Variants in VWA8 observed in about 807,000 individuals in gnomAD.
VWA8 encodes von Willebrand factor A domain containing 8, also known as von Willebrand factor A domain-containing protein 8.
Under a neutral mutation model 241.5 loss-of-function variants are expected in VWA8, and 221 were observed. The observed-to-expected ratio is 0.91, with a 90% CI of 0.82 to 1.02. VWA8 has a LOEUF of 1.02. Among genes scored for constraint, VWA8 ranks in the 50% least tolerant of loss-of-function variants. The pLI is 0.00. For synonymous variants in VWA8, 852 were observed against 827.1 expected (o/e 1.03, Z -0.52); for missense variants, 2,322 against 2,328.7 (o/e 1.00, Z 0.06).
chr13:41,826,480 G>T (rs1284730747), intron 14 of VWA8, among the ~76,000 whole-genome samples: 1 of 152,126 alleles, frequency 6.6e-6, no homozygotes, highest in Non-Finnish European at 1.5e-5. Context: ...TGAGTAAGTG[G>T]GAGTGGAGAG....
intron 8 of VWA8, among the ~76,000 whole-genome samples, chr13:41,884,295 T>G (rs1874405339): frequency 6.6e-6 from 1 of 152,262 alleles, no homozygotes; most frequent in East Asian, 1.9e-4. Context: ...CTCATGATAG[T>G]GAGTTCTCAT....
At chr13:41,660,713 TC>T (rs1949387854) in intron 37 of VWA8, among the ~76,000 whole-genome samples, 1 of 152,154 alleles carries the variant, frequency 6.6e-6, no homozygotes, top group South Asian at 2.1e-4. Context: ...TTTACCCCTT[TC>T]CTGACAGCAG....
chr13:41,628,404 A>G (rs781089216), intron 37 of VWA8, among the ~76,000 whole-genome samples: 1 of 152,180 alleles, frequency 6.6e-6, no homozygotes, highest in African/African-American at 2.4e-5. Context: ...ATTTATGTGA[A>G]CAATGTATAT....
intron 37 of VWA8, among the ~76,000 whole-genome samples, chr13:41,639,159 C>CT (rs58695029): frequency 0.22 from 32,834 of 146,322 alleles, 4,004 homozygotes; most frequent in South Asian, 0.38. Context: ...GCTTAAAAGA[C>CT]TTTTTTTTTT....
intron 20 of VWA8, among the ~76,000 whole-genome samples, chr13:41,775,742 C>G (rs1248383823): frequency 6.6e-6 from 1 of 152,158 alleles, no homozygotes; most frequent in Admixed American, 6.5e-5. Context: ...AGATTTTATG[C>G]CAAGGTTTGT....
chr13:41,889,755 C>T (rs932785105), intron 5 of VWA8, among the ~76,000 whole-genome samples: 1 of 152,016 alleles, frequency 6.6e-6, no homozygotes, highest in African/African-American at 2.4e-5. Context: ...CAGAATTCTA[C>T]TATAAAGAAT....
In VWA8 at chr13:41,866,037, CTATAATTAAAGAGAG is replaced by C. The variant is rs749914785; in HGVS notation, c.1213-16_1213-2del. ...TTAATAGCCTGGTCCCGGCTGGCAC[CTATAATTAAAGAGAG>C]GTCAATATAACATGGCCAGATGTGG... On this transcript the variant is annotated splice_acceptor_variant and splice_polypyrimidine_tract_variant and intron_variant, in intron 10 of 44. Coordinates refer to ENST00000379310, the MANE Select transcript of VWA8 (RefSeq NM_015058.2). LOFTEE classifies it high-confidence loss of function. 28 of 1,613,582 alleles carry C rather than the reference CTATAATTAAAGAGAG, an allele frequency of 1.7e-5. No homozygotes were observed. Among genetic ancestry groups the C allele is most frequent in the Non-Finnish European group, 2.2e-5 (26 of 1,179,746 alleles).
At chr13:41,942,573 GA>G (rs1243621848) in intron 2 of VWA8, among the ~76,000 whole-genome samples, 1 of 152,126 alleles carries the variant, frequency 6.6e-6, no homozygotes, top group Non-Finnish European at 1.5e-5. Context: ...AATGTACCGA[GA>G]AGTCCTAGCC....
At chr13:41,935,228 C>G (rs1877294524) in intron 2 of VWA8, among the ~76,000 whole-genome samples, 1 of 152,114 alleles carries the variant, frequency 6.6e-6, no homozygotes, top group East Asian at 1.9e-4. Context: ...ACTTGCAGCT[C>G]AGCTTCCTAA....
chr13:41,856,920 C>A (rs1261685591), intron 12 of VWA8, among the ~76,000 whole-genome samples: 9 of 150,296 alleles, frequency 6.0e-5, no homozygotes, highest in Admixed American at 4.7e-4. Context: ...TTGTCTAAAT[C>A]ATATATTTGT....
At chr13:41,679,234 G>A (rs951427396) in intron 35 of VWA8, among the ~76,000 whole-genome samples, 2 of 152,186 alleles carry the variant, frequency 1.3e-5, no homozygotes, top group African/African-American at 4.8e-5. Context: ...TAGCTCCCAT[G>A]AATAGTGGGG....
intron 35 of VWA8, among the ~76,000 whole-genome samples, chr13:41,680,995 C>T (rs760732204): frequency 6.6e-5 from 10 of 152,186 alleles, no homozygotes; most frequent in Non-Finnish European, 1.3e-4. Flanking sequence ...TTCCCAACTC[C>T]GGGGCCTCTG....
chr13:41,831,661 C>T (rs1871466494), intron 13 of VWA8, among the ~76,000 whole-genome samples: 3 of 148,194 alleles, frequency 2.0e-5, no homozygotes, highest in Admixed American at 2.0e-4. Flanking sequence ...CTCTCGTCAC[C>T]CAGGCTGCAG....
intron 16 of VWA8, among the ~76,000 whole-genome samples, chr13:41,812,764 C>A (rs935814646): frequency 2.0e-5 from 3 of 152,076 alleles, no homozygotes; most frequent in African/African-American, 7.2e-5. Context: ...ATCCTTTCTT[C>A]TATTAAAAAA....
chr13:41,613,590 C>G (rs1203648079), intron 38 of VWA8, among the ~76,000 whole-genome samples: 1 of 152,142 alleles, frequency 6.6e-6, no homozygotes, highest in Admixed American at 6.5e-5. Flanking sequence ...CCACCTGAGT[C>G]GCAGGGCCCC....
chr13:41,958,241 C>CA (rs1226546363), intron 1 of VWA8, among the ~76,000 whole-genome samples: 1 of 152,162 alleles, frequency 6.6e-6, no homozygotes, highest in East Asian at 1.9e-4. Flanking sequence ...CTCTTGAGAG[C>CA]AAACGACAAT....
rs1040344413 is a variant in VWA8, at chr13:41,891,448, G to A, written c.623C>T (p.Ser208Phe). 6.2e-7 allele frequency: 1 copy of A among 1,614,200 alleles called. No individual in the cohort carries two copies. Among genetic ancestry groups the A allele is most frequent in the South Asian group, 1.1e-5 (1 of 91,084 alleles). Residue 208 changes from serine to phenylalanine, a missense_variant, in exon 5 of 45, where the codon TCT becomes TTT. By Grantham distance (155) the Ser-to-Phe change is radical. Coordinates refer to ENST00000379310, the MANE Select transcript of VWA8 (RefSeq NM_015058.2). ...MQLEDGRFLM[S>F]AERYDKLLRD... is the part of the protein sequence containing the mutation. The stretch of plus-strand genomic sequence containing the variant: ...GAGAAGTTTGTCGTAACGCTCAGCA[G>A]ACATCAGGAAGCGTCCATCTTCAAG...
chr13:41,608,626 A>G (rs992138546), intron 39 of VWA8, among the ~76,000 whole-genome samples: 1 of 152,222 alleles, frequency 6.6e-6, no homozygotes, highest in African/African-American at 2.4e-5. Flanking sequence ...TAAGGAAAAC[A>G]AACATAAGCT....
Position 41,883,443 on chromosome 13 carries a change from G to T in VWA8, c.1024C>A (p.Pro342Thr), listed in dbSNP as rs1367887582. ...PIKHAIQWLY[P>T]YSILLGHEGK... ...TCATGACCTAGTAAAATACTATATG[G>T]ATAAAGCCACTGGATTGCATGTTTG... is the stretch of plus-strand genomic sequence containing the variant. Residue 342 changes from proline (P) to threonine (T), a missense_variant, in exon 9 of 45, where the codon CCA (proline) becomes ACA (threonine). Pro to Thr is a conservative substitution (Grantham distance 38, BLOSUM62 -1). Coordinates refer to ENST00000379310, the MANE Select transcript of VWA8 (RefSeq NM_015058.2). 1 of 1,613,676 alleles carries T rather than the reference G, an allele frequency of 6.2e-7. No individual in the cohort carries two copies. The highest frequency in any genetic ancestry group is 1.1e-5 in the South Asian group (1 of 91,056).
Sources: allele counts gnomAD v4.1 joint callset (sites outside exome capture counted in the v4.1 genomes callset), GRCh38; gene constraint gnomAD v4.1.1; transcripts MANE v1.5; gene names NCBI Gene and HGNC (gene_info 2026-07-23, HGNC 2026-07-21).